Variants in TENM3 observed in about 807,000 individuals in gnomAD.
TENM3 encodes teneurin transmembrane protein 3.
A neutral mutation model predicts 255.1 loss-of-function variants in TENM3; 63 were observed. The observed-to-expected ratio is 0.25, with a 90% CI of 0.20 to 0.30. The LOEUF is 0.30. Ranked by LOEUF, TENM3 falls within the 10% of genes least tolerant of loss-of-function variation. The pLI is 1.00. For missense variants in TENM3, 2,929 were observed against 3,461.1 expected (o/e 0.85, Z 3.86); for synonymous variants, 1,306 against 1,322.3 (o/e 0.99, Z 0.27).
intron 1 of TENM3, among the ~76,000 whole-genome samples, chr4:182,171,031 T>TA (rs1752072095): frequency 6.6e-6 from 1 of 152,188 alleles, no homozygotes; most frequent in South Asian, 2.1e-4. Flanking sequence ...ATACATGCTT[T>TA]AAAAATCAAA....
At chr4:182,432,849 G>GTGTGAGTGTGTGTGTGTGTGTGTGTGTGT (rs1554066038) in intron 3 of TENM3, among the ~76,000 whole-genome samples, 3 of 142,976 alleles carry the variant, frequency 2.1e-5, no homozygotes, top group Non-Finnish European at 4.6e-5. Flanking sequence ...AATGGATTTG[G>GTGTGAGTGTGTGTGTGTGTGTGTGTGTGT]GTGTGTGTGT....
chr4:182,787,559 C>A (rs893587524), intron 24 of TENM3, among the ~76,000 whole-genome samples: 1 of 151,868 alleles, frequency 6.6e-6, no homozygotes, highest in African/African-American at 2.4e-5. Context: ...CATGGTGAAA[C>A]CCCATCTCTA....
the TENM3 span, among the ~76,000 whole-genome samples, chr4:181,930,519 T>G: frequency 6.6e-6 from 1 of 152,250 alleles, no homozygotes; most frequent in Admixed American, 6.5e-5. Context: ...ATTGAGGCAG[T>G]AATTAGTAGT....
chr4:181,618,135 A>G, the TENM3 span, among the ~76,000 whole-genome samples: 1 of 152,200 alleles, frequency 6.6e-6, no homozygotes, highest in Non-Finnish European at 1.5e-5. Context: ...TGAGTATAGC[A>G]GGCTTCTTAT....
At chr4:182,584,683 A>G (rs1745826345) in intron 3 of TENM3, among the ~76,000 whole-genome samples, 1 of 152,112 alleles carries the variant, frequency 6.6e-6, no homozygotes, top group South Asian at 2.1e-4. Context: ...TCTGTCGCCC[A>G]GGCTGGAGTG....
At chr4:181,913,059 A>T in the TENM3 span, among the ~76,000 whole-genome samples, 1 of 152,178 alleles carries the variant, frequency 6.6e-6, no homozygotes, top group Non-Finnish European at 1.5e-5. Flanking sequence ...AGGATACTTG[A>T]ATACATGGGT....
At chr4:181,462,040 G>C in the TENM3 span, among the ~76,000 whole-genome samples, 1 of 152,134 alleles carries the variant, frequency 6.6e-6, no homozygotes, top group Admixed American at 6.5e-5. Flanking sequence ...TACTTGGAAT[G>C]GATTTGACCG....
the TENM3 span, among the ~76,000 whole-genome samples, chr4:181,951,102 A>T: frequency 2.6e-5 from 4 of 152,242 alleles, no homozygotes; most frequent in African/African-American, 9.6e-5. Context: ...GATCAGCTTT[A>T]AAAATCTTAA....
intron 6 of TENM3, among the ~76,000 whole-genome samples, chr4:182,655,169 A>G (rs1427194372): frequency 1.3e-5 from 2 of 152,208 alleles, no homozygotes; most frequent in Admixed American, 6.5e-5. Flanking sequence ...ATGAGTAACT[A>G]TACAGAAATT....
intron 3 of TENM3, among the ~76,000 whole-genome samples, chr4:182,381,697 G>C (rs966200157): frequency 6.6e-6 from 1 of 152,042 alleles, no homozygotes; most frequent in African/African-American, 2.4e-5. Context: ...AAGTAGCTGG[G>C]ATTACGGGCC....
rs1758967512 is a variant in TENM3, at chr4:182,714,178, A to T, written c.2313A>T (p.Ala771=). 3 of 1,613,848 alleles carry T rather than the reference A, an allele frequency of 1.9e-6. No individual in the cohort carries two copies. The highest frequency in any genetic ancestry group is 2.5e-6 in the Non-Finnish European group (3 of 1,179,862). ...TGTGCCAGCCTGGATGGAGAGGAGC[A>T]GGCTGTGACGTAGCCATGGAGACTC... ...HCVCQPGWRG[A]GCDVAMETLC... is the part of the protein sequence containing the mutation. Residue 771 remains alanine (A), a synonymous_variant, in exon 13 of 28, where the codon GCA becomes GCT. Coordinates refer to ENST00000511685, the MANE Select transcript of TENM3 (RefSeq NM_001080477.4).
chr4:182,476,633 T>C (rs998237650), intron 3 of TENM3, among the ~76,000 whole-genome samples: 1 of 152,202 alleles, frequency 6.6e-6, no homozygotes, highest in African/African-American at 2.4e-5. Context: ...TTGCTGTAAT[T>C]CTCTGAATTT....
chr4:182,369,742 G>A (rs867663402), intron 3 of TENM3, among the ~76,000 whole-genome samples: 12 of 152,190 alleles, frequency 7.9e-5, no homozygotes, highest in Middle Eastern at 3.4e-3. Context: ...TTAGCTGGGC[G>A]TGGTGGCAGG....
At chr4:181,994,568 T>TTG in the TENM3 span, among the ~76,000 whole-genome samples, 16 of 150,314 alleles carry the variant, frequency 1.1e-4, no homozygotes, top group African/African-American at 3.2e-4. Context: ...TTTTTTTTTT[T>TTG]TGTGAACTCA....
At chr4:181,546,035 G>A in the TENM3 span, among the ~76,000 whole-genome samples, 3 of 152,070 alleles carry the variant, frequency 2.0e-5, no homozygotes, top group African/African-American at 4.8e-5. Flanking sequence ...TTTCACACAC[G>A]GCCTGTTATT....
the TENM3 span, among the ~76,000 whole-genome samples, chr4:182,073,005 G>A: frequency 6.6e-6 from 1 of 152,184 alleles, no homozygotes; most frequent in African/African-American, 2.4e-5. Context: ...AGGCCCAAAG[G>A]TCAGGCCATG....
the TENM3 span, among the ~76,000 whole-genome samples, chr4:181,780,631 T>C: frequency 6.6e-6 from 1 of 152,220 alleles, no homozygotes; most frequent in Non-Finnish European, 1.5e-5. Flanking sequence ...GCAGAAGTTC[T>C]TTAGTTTAAT....
At chr4:182,006,868 AC>A in the TENM3 span, among the ~76,000 whole-genome samples, 2 of 152,184 alleles carry the variant, frequency 1.3e-5, no homozygotes, top group South Asian at 4.1e-4. Context: ...GGCATTTAGT[AC>A]TATAAGTTTC....
intron 3 of TENM3, among the ~76,000 whole-genome samples, chr4:182,583,406 AT>A (rs1745699046): frequency 6.6e-6 from 1 of 151,360 alleles, no homozygotes. Context: ...ATATAGAGAG[AT>A]TTAGGGAATT....
Sources: allele counts gnomAD v4.1 joint callset (sites outside exome capture counted in the v4.1 genomes callset), GRCh38; gene constraint gnomAD v4.1.1; transcripts MANE v1.5; gene names NCBI Gene and HGNC (gene_info 2026-07-23, HGNC 2026-07-21).